The following SMAP2 variants were observed in gnomAD, a reference collection of about 807,000 sequenced individuals.
The protein encoded by SMAP2 is small ArfGAP2.
Under a neutral mutation model 56.4 loss-of-function variants are expected in SMAP2, and 25 were observed. The observed-to-expected ratio is 0.44, with a 90% confidence interval of 0.32 to 0.62. The LOEUF is 0.62. Among genes scored for constraint, SMAP2 ranks in the 20% least tolerant of loss-of-function variants. The pLI is 0.04. For missense variants in SMAP2, 388 were observed against 545.6 expected, an observed-to-expected ratio of 0.71 and a Z score of 2.88; for synonymous variants, 157 against 181.7, an observed-to-expected ratio of 0.86 and a Z score of 1.09.
At chr1:40,395,700 G>A (rs538193430) in intron 1 of SMAP2, among the ~76,000 whole-genome samples, 2 of 152,270 alleles carry the variant, frequency 1.3e-5, no homozygotes, top group South Asian at 4.1e-4. Flanking sequence ...AATTAGTGCT[G>A]TAATTTAGAT....
intron 9 of SMAP2, among the ~76,000 whole-genome samples, chr1:40,417,753 G>A (rs1276932713): frequency 1.3e-5 from 2 of 152,174 alleles, no homozygotes; most frequent in African/African-American, 4.8e-5. Flanking sequence ...GTACCCTTTA[G>A]AGGACTGGTG....
chr1:40,367,858 A>T (rs957075615), intron 2 of SMAP2, among the ~76,000 whole-genome samples: 1 of 106,184 alleles, frequency 9.4e-6, no homozygotes, highest in Non-Finnish European at 1.9e-5. Flanking sequence ...AAATCAGAGC[A>T]GAACTGAAGA....
intron 1 of SMAP2, among the ~76,000 whole-genome samples, chr1:40,355,696 C>G (rs574211339): frequency 1.3e-5 from 2 of 152,204 alleles, no homozygotes; most frequent in Admixed American, 6.5e-5. Context: ...GGTCAGGGCT[C>G]ACTTCAGCCT....
intron 1 of SMAP2, among the ~76,000 whole-genome samples, chr1:40,378,976 CT>C (rs1423778557): frequency 7.2e-6 from 1 of 138,230 alleles, no homozygotes; most frequent in East Asian, 2.1e-4. Flanking sequence ...CTTTTCTTTT[CT>C]TTTCTTTTTT....
intron 1 of SMAP2, among the ~76,000 whole-genome samples, chr1:40,405,975 G>A (rs2124336490): frequency 6.6e-6 from 1 of 152,302 alleles, no homozygotes; most frequent in South Asian, 2.1e-4. Context: ...AGCCTAAGGG[G>A]AAAAGATCCT....
rs1407641220 is a variant in SMAP2, at chr1:40,422,391, G to A, written c.*290G>A. 2.7e-6 allele frequency: 1 copy of A among 368,398 alleles called. No homozygotes were observed. The highest frequency in any genetic ancestry group is 5.2e-6 in the Non-Finnish European group (1 of 191,696). 22.8% of individuals were successfully genotyped at this position (368,398 alleles called of 1,614,324 possible). ...AAGGCACTTAAACTGTGGGAGAAGT[G>A]TGCACACCTTTGAGTCCCTTCCCTC... is the stretch of plus-strand genomic sequence containing the variant. On this transcript the variant is annotated 3_prime_UTR_variant, in exon 10 of 10. Coordinates refer to ENST00000372718, the MANE Select transcript of SMAP2 (RefSeq NM_022733.3).
intron 1 of SMAP2, among the ~76,000 whole-genome samples, chr1:40,360,305 CT>C (rs34776166): frequency 6.0e-3 from 668 of 111,350 alleles, no homozygotes; most frequent in Middle Eastern, 0.037. Context: ...CGTGCCTGAG[CT>C]TTTTTTTTTT....
At chr1:40,417,311 A>G (rs776872021) in intron 9 of SMAP2, among the ~76,000 whole-genome samples, 2 of 151,656 alleles carry the variant, frequency 1.3e-5, no homozygotes, top group Non-Finnish European at 2.9e-5. Context: ...AATAAGCCCA[A>G]CTGCCTAAAT....
chr1:40,351,988 T>A (rs1644411038), intron 1 of SMAP2, among the ~76,000 whole-genome samples: 1 of 152,026 alleles, frequency 6.6e-6, no homozygotes, highest in South Asian at 2.1e-4. Flanking sequence ...TCTGAGGCCC[T>A]CTCTCCCCAA....
chr1:40,364,316 A>T (rs1480780600), intron 2 of SMAP2, among the ~76,000 whole-genome samples: 1 of 152,222 alleles, frequency 6.6e-6, no homozygotes, highest in Non-Finnish European at 1.5e-5. Flanking sequence ...GAGGGCAAGC[A>T]AGGTGGCTCA....
intron 1 of SMAP2, among the ~76,000 whole-genome samples, chr1:40,345,357 C>T (rs535443657): frequency 6.6e-6 from 1 of 151,838 alleles, no homozygotes; most frequent in Non-Finnish European, 1.5e-5. Flanking sequence ...CGTGCCACTG[C>T]ACTCCAGCCT....
chr1:40,347,230 G>A (rs71518436), intron 1 of SMAP2, among the ~76,000 whole-genome samples: 1 of 103,510 alleles, frequency 9.7e-6, no homozygotes, highest in Non-Finnish European at 1.9e-5. Context: ...GTGTGTGTTT[G>A]TGTGTGTGTG....
At position 40,422,803 on chromosome 1, in the gene SMAP2, C is replaced by G. The variant is rs1208849834; in HGVS notation, c.*702C>G. On this transcript the variant is annotated 3_prime_UTR_variant, in exon 10 of 10. Transcript: ENST00000372718. ...AGACACACATCCCTTCCCGCCTCCC[C>G]CCTGCCTTCAGTAGGATCTGGCTCC... 3 of 152,868 alleles carry G rather than the reference C, an allele frequency of 2.0e-5. No individual in the cohort carries two copies. The East Asian group carries it at 5.8e-4, about 29-fold the overall frequency. The allele number at this position is 152,868 out of a possible 1,614,324, so 9.5% of individuals were successfully genotyped here.
intron 1 of SMAP2, among the ~76,000 whole-genome samples, chr1:40,400,633 G>A (rs927127182): frequency 4.6e-5 from 7 of 152,114 alleles, no homozygotes; most frequent in African/African-American, 1.7e-4. Context: ...ATGGATGGAG[G>A]TGTAGTTGAC....
intron 1 of SMAP2, among the ~76,000 whole-genome samples, chr1:40,375,449 A>G (rs1032170172): frequency 3.3e-5 from 5 of 152,198 alleles, no homozygotes; most frequent in Admixed American, 3.3e-4. Flanking sequence ...ATTTTTGAAG[A>G]ATAAGGTTAT....
At chr1:40,404,992 A>G (rs1243934448) in intron 1 of SMAP2, among the ~76,000 whole-genome samples, 1 of 152,220 alleles carries the variant, frequency 6.6e-6, no homozygotes. Context: ...GCAATAAGGT[A>G]TTGGGATAAA....
intron 1 of SMAP2, among the ~76,000 whole-genome samples, chr1:40,379,781 C>A (rs1396648459): frequency 6.6e-6 from 1 of 152,092 alleles, no homozygotes; most frequent in African/African-American, 2.4e-5. Context: ...ATCTGCCCAC[C>A]TTGGCCTCCC....
chr1:40,378,164 A>G (rs1644559844), intron 1 of SMAP2, among the ~76,000 whole-genome samples: 1 of 152,040 alleles, frequency 6.6e-6, no homozygotes, highest in Non-Finnish European at 1.5e-5. Context: ...TTGCTCTGCC[A>G]CCCAGGCTGG....
chr1:40,347,948 AT>A (rs1241123498), intron 1 of SMAP2, among the ~76,000 whole-genome samples: 1 of 151,630 alleles, frequency 6.6e-6, no homozygotes, highest in Admixed American at 6.6e-5. Context: ...ATACTCATCT[AT>A]TTTTTCAAAT....
Sources: gnomAD v4.1 joint callset for allele counts (sites outside exome capture counted in the v4.1 genomes callset) on GRCh38, gnomAD v4.1.1 for gene constraint, MANE v1.5 for transcripts, NCBI Gene and HGNC (gene_info 2026-07-23, HGNC 2026-07-21) for gene names.